The following LIMD1 variants were observed in gnomAD, a reference collection of about 807,000 sequenced individuals.
LIMD1 encodes the protein LIM domain-containing protein 1.
A neutral mutation model predicts 58.4 loss-of-function variants in LIMD1; 23 were observed. The observed-to-expected ratio is 0.39, with a 90% CI of 0.28 to 0.56. The LOEUF (loss-of-function observed/expected upper bound fraction) is 0.56. Ranked by LOEUF, LIMD1 falls within the 20% of genes least tolerant of loss-of-function variation. The pLI, the probability that LIMD1 is intolerant of heterozygous loss-of-function variation, is 0.57. For synonymous variants in LIMD1, 334 were observed against 345.5 expected (o/e 0.97, Z 0.37); for missense variants, 838 against 855.5 (o/e 0.98, Z 0.25).
At chr3:45,618,550 C>T (rs1701598576) in intron 1 of LIMD1, among the ~76,000 whole-genome samples, 1 of 152,076 alleles carries the variant, frequency 6.6e-6, no homozygotes, top group South Asian at 2.1e-4. Context: ...GTGGTTTTAT[C>T]TTTTTATGAA....
chr3:45,615,794 C>T (rs1701570204), intron 1 of LIMD1, among the ~76,000 whole-genome samples: 1 of 152,016 alleles, frequency 6.6e-6, no homozygotes, highest in Non-Finnish European at 1.5e-5. Flanking sequence ...ACTCCCCACC[C>T]ACCCTCTTCC....
chr3:45,632,498 A>G (rs557789008), intron 1 of LIMD1: 10 of 985,230 alleles, frequency 1.0e-5, no homozygotes, highest in Non-Finnish European at 1.2e-5. Flanking sequence ...GGGCCTTGGA[A>G]TGAAGTGCTT....
chr3:45,595,269 G>T lies in LIMD1; in HGVS notation c.390G>T (p.Gln130His). Residue 130 changes from glutamine to histidine, a missense_variant, in exon 1 of 8, where the codon CAG becomes CAT. By Grantham distance (24) the Gln-to-His change is conservative. Around this residue, in one of 3 missense-constraint regions of LIMD1, gnomAD observed 659 missense variants for 639.8 expected, o/e 1.03. Coordinates refer to ENST00000273317, the MANE Select transcript of LIMD1 (RefSeq NM_014240.3). Reference sequence around the variant, plus strand: ...CTGGGCAGCCCCCGTACCCACCGCAGGAGCAGAGATCCAGGCCATACCTGC... The same window carrying T: ...CTGGGCAGCCCCCGTACCCACCGCATGAGCAGAGATCCAGGCCATACCTGC... ...LAAGQPPYPP[Q>H]EQRSRPYLHG... 1 of 1,612,186 alleles carries T rather than the reference G, an allele frequency of 6.2e-7. No individual in the cohort carries two copies. Among genetic ancestry groups the T allele is most frequent in the African/African-American group, 1.3e-5 (1 of 75,066 alleles).
rs1701317245 is a variant in LIMD1, at chr3:45,594,799, A to ACACACTCACACACACACACAC, written c.-76_-75insTCACACACACACACACCACAC. ...CCTCAACACACACACACACACACAC[A>ACACACTCACACACACACACAC]CACACACACACACACACACACACAC... On this transcript the variant is annotated 5_prime_UTR_variant, in exon 1 of 8. Transcript: ENST00000273317. 4.1e-5 allele frequency: 6 copies of ACACACTCACACACACACACAC among 145,406 alleles called. No homozygotes were observed. The highest frequency in any genetic ancestry group is 7.1e-5 in the Non-Finnish European group (6 of 84,684). 9.0% of individuals were successfully genotyped at this position (145,406 alleles called of 1,614,324 possible).
intron 7 of LIMD1, 174 bp downstream of exon 7, chr3:45,674,585 A>C (rs1267601406): frequency 1.7e-6 from 1 of 598,052 alleles, no homozygotes; most frequent in African/African-American, 1.9e-5. Flanking sequence ...GAGAAGATGG[A>C]AATGCTCAAG....
chr3:45,596,335 T>C (rs1701351035), intron 1 of LIMD1, 48 bp downstream of exon 1: 6 of 1,462,024 alleles, frequency 4.1e-6, no homozygotes, highest in Non-Finnish European at 5.6e-6. Context: ...GATGGGGTTC[T>C]TGAGATTGGG....
intron 1 of LIMD1, among the ~76,000 whole-genome samples, chr3:45,631,869 C>T (rs1701737703): frequency 6.6e-6 from 1 of 152,158 alleles, no homozygotes; most frequent in Admixed American, 6.6e-5. Context: ...TTGCTTCTGC[C>T]GTCTGGGCCA....
intron 2 of LIMD1, among the ~76,000 whole-genome samples, chr3:45,653,655 A>G (rs1701995885): frequency 6.6e-6 from 1 of 152,210 alleles, no homozygotes; most frequent in South Asian, 2.1e-4. Flanking sequence ...TATGCCTCTA[A>G]TCCTAGCACT....
At position 45,677,078 on chromosome 3, in the gene LIMD1, A is replaced by C; in HGVS notation, c.*19A>C. On this transcript the variant is annotated 3_prime_UTR_variant, in exon 8 of 8. Transcript: ENST00000273317. ...CTTCTAGCCAGAGCCACTTGCAGAC[A>C]TCACGGCAGGGGATGAGGAGCCGGG... The C allele has an allele frequency of 6.2e-7, 1 of 1,609,422 alleles. No individual in the cohort carries two copies. The highest frequency in any genetic ancestry group is 1.3e-5 in the African/African-American group (1 of 74,992).
At chr3:45,652,149 A>T (rs1701979802) in intron 2 of LIMD1, among the ~76,000 whole-genome samples, 1 of 151,646 alleles carries the variant, frequency 6.6e-6, no homozygotes, top group South Asian at 2.1e-4. Context: ...CTGATCTCAA[A>T]CTCCTGTCCT....
rs1245991187 is a variant in LIMD1, at chr3:45,678,221, A to G, written c.*1162A>G. 1 of 152,590 alleles carries G rather than the reference A, an allele frequency of 6.6e-6. No homozygotes were observed. The highest frequency in any genetic ancestry group is 6.5e-5 in the Admixed American group (1 of 15,270). The allele number at this position is 152,590 out of a possible 1,614,324, so 9.5% of individuals were successfully genotyped here. A position where few individuals can be genotyped will look rare whatever the true frequency, so the allele number is the denominator to read the frequency against. On this transcript the variant is annotated 3_prime_UTR_variant, in exon 8 of 8. Coordinates refer to ENST00000273317, the MANE Select transcript of LIMD1 (RefSeq NM_014240.3). ...TCCCTTCACTTTCAGTCTTCCACAC[A>G]CAAAAAATACCTCACAGAGCTTCAC...
chr3:45,624,401 C>G (rs1432649613), intron 1 of LIMD1, among the ~76,000 whole-genome samples: 1 of 151,994 alleles, frequency 6.6e-6, no homozygotes, highest in Admixed American at 6.6e-5. Context: ...CCTGGTAGAG[C>G]CTTTTTATTT....
intron 1 of LIMD1, among the ~76,000 whole-genome samples, chr3:45,621,584 T>C (rs573091240): frequency 1.5e-4 from 23 of 152,318 alleles, no homozygotes; most frequent in African/African-American, 5.0e-4. Flanking sequence ...GCAGTGCTAC[T>C]CTAGAATATG....
intron 1 of LIMD1, among the ~76,000 whole-genome samples, chr3:45,621,893 T>A (rs1015286212): frequency 2.0e-5 from 3 of 151,942 alleles, no homozygotes; most frequent in Non-Finnish European, 4.4e-5. Flanking sequence ...TGAAACCCCG[T>A]GTGTACTAAA....
Position 45,640,355 on chromosome 3 carries a change from C to T in LIMD1, c.1510+4104C>T, listed in dbSNP as rs544342038. Among the ~76,000 whole-genome samples the T allele has an allele frequency of 3.3e-5, 5 of 152,334 alleles. No individual in the cohort carries two copies. The East Asian group carries it at 9.6e-4, about 29-fold the overall frequency. On this transcript the variant is annotated intron_variant, in intron 2 of 7. Coordinates refer to ENST00000273317, the MANE Select transcript of LIMD1 (RefSeq NM_014240.3). ...TGCCTCCTCTTCCAGGAAGCCTTCC[C>T]TGTTTCCTTAGCAGGAAGAGACTTC...
Position 45,632,485 on chromosome 3 carries a change from C to G in LIMD1, c.1409-3665C>G, listed in dbSNP as rs115028933. ...GGGGGTGTTCAGAGATGAATAAGAC[C>G]CTGGGCCTTGGAATGAAGTGCTTGT... On this transcript the variant is annotated intron_variant, in intron 1 of 7. Coordinates refer to ENST00000273317, the MANE Select transcript of LIMD1 (RefSeq NM_014240.3). The G allele has an allele frequency of 0.012, 12,118 of 984,736 alleles. 987 individuals are homozygous for G. In the African/African-American group the frequency reaches 0.18, roughly 15 times the overall value. 61.0% of individuals were successfully genotyped at this position (984,736 alleles called of 1,614,324 possible). A position where few individuals can be genotyped will look rare whatever the true frequency, so the allele number is the denominator to read the frequency against.
In LIMD1 at chr3:45,682,450, T is replaced by A. The variant is rs1330102394; in HGVS notation, c.*5391T>A. 1 of 152,394 alleles carries A rather than the reference T, an allele frequency of 6.6e-6. No individual in the cohort carries two copies. The highest frequency in any genetic ancestry group is 1.5e-5 in the Non-Finnish European group (1 of 68,092). 9.4% of individuals were successfully genotyped at this position (152,394 alleles called of 1,614,324 possible). A position where few individuals can be genotyped will look rare whatever the true frequency, so the allele number is the denominator to read the frequency against. ...CAGGGATTGGGAGGAGATGGCATAG[T>A]CCTAAGAGTCAGCCTTGGGCATTGG... On this transcript the variant is annotated 3_prime_UTR_variant, in exon 8 of 8. Coordinates refer to ENST00000273317, the MANE Select transcript of LIMD1 (RefSeq NM_014240.3).
At chr3:45,605,027 A>G (rs1701454310) in intron 1 of LIMD1, among the ~76,000 whole-genome samples, 1 of 152,396 alleles carries the variant, frequency 6.6e-6, no homozygotes, top group South Asian at 2.1e-4. Context: ...AGGAGACAGA[A>G]CTGTGCAAGA....
intron 1 of LIMD1, among the ~76,000 whole-genome samples, chr3:45,598,561 T>C (rs552571065): frequency 2.0e-5 from 3 of 152,280 alleles, no homozygotes; most frequent in Admixed American, 1.3e-4. Context: ...TGGGGATACA[T>C]AGTGAACAGG....
Sources: gnomAD v4.1 joint callset for allele counts (sites outside exome capture counted in the v4.1 genomes callset) on GRCh38, gnomAD v4.1.1 for gene constraint, gnomAD v4.1.1 regional missense constraint, MANE v1.5 for transcripts, NCBI Gene and HGNC (gene_info 2026-07-23, HGNC 2026-07-21) for gene names.